The following MYO5B variants were observed in gnomAD, a reference collection of about 807,000 sequenced individuals.
MYO5B encodes unconventional myosin-Vb.
A neutral mutation model predicts 229.3 loss-of-function variants in MYO5B; 143 were observed. That is an observed-to-expected ratio of 0.62 (90% CI 0.54 to 0.72). The LOEUF is 0.72. MYO5B is among the 30% of genes least tolerant of loss of function. The probability of loss-of-function intolerance (pLI) is 0.00; values close to 1 mark genes in which losing one functional copy is unlikely to be tolerated. For synonymous variants in MYO5B, 918 were observed against 885.2 expected, an observed-to-expected ratio of 1.04 and a Z score of -0.66; for missense variants, 2,321 against 2,331.0, an observed-to-expected ratio of 1.00 and a Z score of 0.09.
rs2030521077 is a variant in MYO5B at position 50,055,377 on chromosome 18, C to T, written c.29G>A (p.Cys10Tyr). Residue 10 changes from cysteine (C) to tyrosine (Y), a missense_variant and splice_region_variant, in exon 2 of 40, where the codon TGC (cysteine) becomes TAC (tyrosine). Cys to Tyr is a radical substitution (Grantham distance 194). This residue lies in a region of MYO5B where 2,113 missense variants were observed against 2,044.7 expected (regional missense o/e 1.03). Transcript: ENST00000285039. The stretch of plus-strand genomic sequence containing the variant: ...AGGGTCAGGGATCCAGACCCTTGTG[C>T]ACTGAAAGATTAAAACAGAAGAAAC... MSVGELYSQCTRVWIPDPDE... is the reference protein window; with the variant it reads MSVGELYSQYTRVWIPDPDE... 10 of 1,612,100 alleles carry T rather than the reference C, an allele frequency of 6.2e-6. No individual in the cohort carries two copies. The highest frequency in any genetic ancestry group is 7.6e-6 in the Non-Finnish European group (9 of 1,178,486).
Position 49,992,381 on chromosome 18 carries a change from G to T in MYO5B, c.663C>A (p.Gly221=), listed in dbSNP as rs2025942823. 4 of 1,614,134 alleles carry T rather than the reference G, an allele frequency of 2.5e-6. No individual in the cohort carries two copies. The African/African-American group carries it at 5.3e-5, about 22-fold the overall frequency. Reference sequence around the variant, plus strand: ...TGTCAAAGCCAATCTGGATGTACTTGCCAAAACGGCTGCTGTTGTCATTGC... The same window carrying T: ...TGTCAAAGCCAATCTGGATGTACTTTCCAAAACGGCTGCTGTTGTCATTGC... ...TTRNDNSSRF[G]KYIQIGFDKR... Residue 221 remains glycine, a synonymous_variant, in exon 6 of 40, where the codon GGC becomes GGA. Transcript: ENST00000285039.
At chr18:50,018,542 C>T (rs941346477) in intron 4 of MYO5B, among the ~76,000 whole-genome samples, 1 of 152,152 alleles carries the variant, frequency 6.6e-6, no homozygotes, top group African/African-American at 2.4e-5. Flanking sequence ...AGCTAACTCT[C>T]ATATAGCATC....
At chr18:49,837,867 C>G in intron 36 of MYO5B, 65 bp from the exon 37 acceptor site, 1 of 1,572,748 alleles carries the variant, frequency 6.4e-7, no homozygotes, top group Non-Finnish European at 8.7e-7. Context: ...TTGGACCACT[C>G]AAATCATTTA....
At chr18:49,953,132 C>G in intron 14 of MYO5B, 128 bp downstream of exon 14, 1 of 817,652 alleles carries the variant, frequency 1.2e-6, no homozygotes, top group Non-Finnish European at 2.1e-6. Flanking sequence ...AAATGACCAA[C>G]AAACCCGTTG....
chr18:49,841,262 G>A (rs2024053724), intron 35 of MYO5B, 103 bp downstream of exon 35: 4 of 1,080,102 alleles, frequency 3.7e-6, no homozygotes, highest in South Asian at 1.2e-5. Flanking sequence ...GGTCCCCAAG[G>A]GTGCTCCAAA....
rs1345923103 is a variant in MYO5B, at chr18:50,164,307, G to A, written c.27+30460C>T. On this transcript the variant is annotated intron_variant, in intron 1 of 39. Coordinates refer to ENST00000285039, the MANE Select transcript of MYO5B (RefSeq NM_001080467.3). Reference sequence around the variant, plus strand: ...CTTAAGTATATGCCTTGTTATGGGTGGCCTTCTCTTCAAATAGAGCAAGCC... The same window carrying A: ...CTTAAGTATATGCCTTGTTATGGGTAGCCTTCTCTTCAAATAGAGCAAGCC... 2.0e-5 allele frequency among the ~76,000 whole-genome samples: 3 copies of A among 152,142 alleles called. No individual in the cohort carries two copies. In the East Asian group the frequency reaches 5.8e-4, roughly 29 times the overall value.
intron 21 of MYO5B, among the ~76,000 whole-genome samples, chr18:49,896,860 C>A (rs1235656382): frequency 1.3e-5 from 2 of 152,206 alleles, no homozygotes; most frequent in Non-Finnish European, 2.9e-5. Context: ...TATCCTTGAT[C>A]AGCTGTGTAC....
intron 9 of MYO5B, among the ~76,000 whole-genome samples, chr18:49,977,667 CT>C (rs2025766781): frequency 6.6e-6 from 1 of 152,198 alleles, no homozygotes; most frequent in Non-Finnish European, 1.5e-5. Flanking sequence ...TGCCTGGGCC[CT>C]GTCCCACCTT....
In MYO5B at chr18:50,133,929, T is replaced by G. The variant is rs528735281; in HGVS notation, c.27+60838A>C. ...GATATCTTTAAGAGAAAGACACAAG[T>G]GCAGAACAGTGTGTTTAGCATGCTG... On this transcript the variant is annotated intron_variant, in intron 1 of 39. Coordinates refer to ENST00000285039, the MANE Select transcript of MYO5B (RefSeq NM_001080467.3). Among the ~76,000 whole-genome samples, 3 of 152,224 alleles carry G rather than the reference T, an allele frequency of 2.0e-5. No individual in the cohort carries two copies. In the South Asian group the frequency reaches 6.2e-4, roughly 32 times the overall value.
chr18:50,044,812 A>T (rs973740226), intron 2 of MYO5B, among the ~76,000 whole-genome samples: 1 of 152,150 alleles, frequency 6.6e-6, no homozygotes, highest in African/African-American at 2.4e-5. Context: ...AGGGAAAAAT[A>T]TAAGATGCAG....
intron 4 of MYO5B, among the ~76,000 whole-genome samples, chr18:50,024,097 A>C (rs1470667523): frequency 6.6e-6 from 1 of 152,242 alleles, no homozygotes. Context: ...GTTCGTACAC[A>C]TCAGGTAATT....
At chr18:49,834,920 G>A (rs1157677967) in intron 39 of MYO5B, among the ~76,000 whole-genome samples, 1 of 152,210 alleles carries the variant, frequency 6.6e-6, no homozygotes, top group African/African-American at 2.4e-5. Flanking sequence ...TTACAGGAGT[G>A]AGCCACCGCA....
At chr18:50,038,941 A>T (rs12962799) in intron 3 of MYO5B, among the ~76,000 whole-genome samples, 1 of 152,124 alleles carries the variant, frequency 6.6e-6, no homozygotes, top group Non-Finnish European at 1.5e-5. Flanking sequence ...TTGGGAAATC[A>T]CAGCTCTCAA....
intron 36 of MYO5B, 32 bp downstream of exon 36, chr18:49,839,112 T>G: frequency 6.2e-7 from 1 of 1,611,924 alleles, no homozygotes; most frequent in Non-Finnish European, 8.5e-7. Context: ...GACACCATGA[T>G]GAGTGATGTA....
At chr18:49,889,138 TG>T (rs1436637477) in intron 22 of MYO5B, among the ~76,000 whole-genome samples, 1 of 152,210 alleles carries the variant, frequency 6.6e-6, no homozygotes, top group Admixed American at 6.5e-5. Context: ...CCTTTAAAAT[TG>T]TTTTTTTAAA....
intron 8 of MYO5B, 95 bp downstream of exon 8, chr18:49,984,623 A>G (rs992364343): frequency 7.5e-6 from 7 of 932,064 alleles, no homozygotes; most frequent in African/African-American, 6.5e-5. Flanking sequence ...TAGCTCCTGC[A>G]GGTTGCTGGC....
chr18:50,002,204 T>C (rs990817659), intron 4 of MYO5B, among the ~76,000 whole-genome samples: 9 of 152,180 alleles, frequency 5.9e-5, no homozygotes, highest in Non-Finnish European at 1.3e-4. Context: ...AGATACAGTT[T>C]TGAACATTTT....
At chr18:49,979,187 T>A (rs2025787099) in intron 9 of MYO5B, among the ~76,000 whole-genome samples, 1 of 152,180 alleles carries the variant, frequency 6.6e-6, no homozygotes, top group African/African-American at 2.4e-5. Flanking sequence ...AACTCCACTG[T>A]ACCATGCCCT....
chr18:50,181,152 AC>A (rs1393573850), intron 1 of MYO5B, among the ~76,000 whole-genome samples: 1 of 152,242 alleles, frequency 6.6e-6, no homozygotes, highest in East Asian at 1.9e-4. Flanking sequence ...ATGCTATTAT[AC>A]TTGTCATAAA....
Sources: allele counts gnomAD v4.1 joint callset (sites outside exome capture counted in the v4.1 genomes callset), GRCh38; gene constraint gnomAD v4.1.1; regional missense constraint gnomAD v4.1.1; transcripts MANE v1.5; gene names NCBI Gene and HGNC (gene_info 2026-07-23, HGNC 2026-07-21).